PRKCE: variants seen among roughly 807,000 people sequenced by gnomAD.
PRKCE encodes the protein protein kinase C epsilon, also known as protein kinase C epsilon type.
A neutral mutation model predicts 85.4 loss-of-function variants in PRKCE; 16 were observed. The observed-to-expected ratio is 0.19, with a 90% CI of 0.13 to 0.28. The LOEUF (loss-of-function observed/expected upper bound fraction) is 0.28, where lower values mean the gene tolerates loss of function less well. PRKCE is among the 10% of genes least tolerant of loss of function. PRKCE has a pLI of 1.00. For synonymous variants in PRKCE, 388 were observed against 371.5 expected (o/e 1.04, Z -0.51); for missense variants, 573 against 975.2 (o/e 0.59, Z 5.49).
intron 1 of PRKCE, among the ~76,000 whole-genome samples, chr2:45,684,580 C>T (rs892034438): frequency 6.6e-6 from 1 of 152,152 alleles, no homozygotes; most frequent in Admixed American, 6.5e-5. Flanking sequence ...TTGGTTGGAC[C>T]TACAATATTG....
intron 2 of PRKCE, among the ~76,000 whole-genome samples, chr2:45,890,644 G>A (rs887392778): frequency 6.6e-6 from 1 of 152,114 alleles, no homozygotes; most frequent in East Asian, 1.9e-4. Flanking sequence ...GCCTCCCAAA[G>A]TGCTGGGATT....
intron 1 of PRKCE, among the ~76,000 whole-genome samples, chr2:45,811,393 A>ATAACAGAG (rs1408547382): frequency 2.6e-5 from 4 of 152,242 alleles, no homozygotes; most frequent in Non-Finnish European, 5.9e-5. Flanking sequence ...GAGAGTGTGT[A>ATAACAGAG]TAACAGAGTA....
At chr2:46,017,895 A>C (rs1008989436) in intron 10 of PRKCE, among the ~76,000 whole-genome samples, 1 of 152,212 alleles carries the variant, frequency 6.6e-6, no homozygotes, top group African/African-American at 2.4e-5. Context: ...AAGGTTTCCC[A>C]ACAGTCTTTG....
In PRKCE at chr2:46,004,959, C is replaced by T. The variant is rs1313879782; in HGVS notation, c.1063+321C>T. On this transcript the variant is annotated intron_variant, in intron 8 of 14. Coordinates refer to ENST00000306156, the MANE Select transcript of PRKCE (RefSeq NM_005400.3). This position sits in a 1 kb window ranked among gnomAD's most constrained non-coding sequence, Gnocchi z 4.1. ...CAAGTGTACTGCAGAGAGAAGGGTACAGCTCCCTCTCTTAAAGCTCTTGCC... is the reference window on the plus strand; with the variant it reads ...CAAGTGTACTGCAGAGAGAAGGGTATAGCTCCCTCTCTTAAAGCTCTTGCC... Among the ~76,000 whole-genome samples the T allele has an allele frequency of 1.3e-5, 2 of 152,144 alleles. No homozygotes were observed. The highest frequency in any genetic ancestry group is 4.8e-5 in the African/African-American group (2 of 41,408).
chr2:45,795,947 G>T (rs1210191955), intron 1 of PRKCE, among the ~76,000 whole-genome samples: 1 of 152,214 alleles, frequency 6.6e-6, no homozygotes, highest in Non-Finnish European at 1.5e-5. Flanking sequence ...ATTCAGAAAA[G>T]TTGAAAAGAA....
At chr2:45,890,731 G>A (rs1695662708) in intron 2 of PRKCE, among the ~76,000 whole-genome samples, 2 of 152,154 alleles carry the variant, frequency 1.3e-5, no homozygotes, top group Non-Finnish European at 2.9e-5. Flanking sequence ...CTCATGAGGG[G>A]CTTTTCAGAT....
chr2:45,682,019 T>G (rs1676945597), intron 1 of PRKCE, among the ~76,000 whole-genome samples: 1 of 152,242 alleles, frequency 6.6e-6, no homozygotes, highest in South Asian at 2.1e-4. Flanking sequence ...TTATGGGCAG[T>G]AAACTTGGTT....
chr2:46,112,388 A>C (rs572663600), intron 11 of PRKCE, among the ~76,000 whole-genome samples: 71 of 151,576 alleles, frequency 4.7e-4, no homozygotes, highest in African/African-American at 1.6e-3. Context: ...TATCCACTCC[A>C]TCTCTGTCTT....
intron 11 of PRKCE, among the ~76,000 whole-genome samples, chr2:46,104,515 G>A (rs1483685540): frequency 2.0e-5 from 3 of 151,972 alleles, no homozygotes; most frequent in African/African-American, 7.3e-5. Flanking sequence ...CTCTGTTGGG[G>A]TTCTTTTCTG....
At chr2:45,943,708 G>A (rs919730599) in intron 2 of PRKCE, among the ~76,000 whole-genome samples, 3 of 152,168 alleles carry the variant, frequency 2.0e-5, no homozygotes, top group Non-Finnish European at 4.4e-5. Context: ...ACAAATGTCA[G>A]CTAAGTTACA....
intron 11 of PRKCE, among the ~76,000 whole-genome samples, chr2:46,088,879 C>T (rs1669893555): frequency 1.3e-5 from 2 of 152,298 alleles, no homozygotes; most frequent in African/African-American, 4.8e-5. Flanking sequence ...AAATGACAGA[C>T]ATAGGAGGTA....
chr2:46,025,133 A>G (rs545097270), intron 10 of PRKCE, among the ~76,000 whole-genome samples: 1 of 152,364 alleles, frequency 6.6e-6, no homozygotes, highest in South Asian at 2.1e-4. Flanking sequence ...CTCCTATTAT[A>G]AAATGTTTAC....
In PRKCE at chr2:45,895,363, C is replaced by A. The variant is rs1458575676; in HGVS notation, c.412+52300C>A. 6.6e-6 allele frequency among the ~76,000 whole-genome samples: 1 copy of A among 152,094 alleles called. No homozygotes were observed. The highest frequency in any genetic ancestry group is 1.5e-5 in the Non-Finnish European group (1 of 68,022). On this transcript the variant is annotated intron_variant, in intron 2 of 14. Transcript: ENST00000306156. This position sits in a 1 kb window ranked among gnomAD's most constrained non-coding sequence, Gnocchi z 4.8. ...GTTTCAGTCGGGGAAGAAAGTGGGA[C>A]TTTTTCATTAAAACAAGACTCTGCT... is the stretch of plus-strand genomic sequence containing the variant.
In PRKCE at chr2:45,651,875, A is replaced by G; in HGVS notation, c.-226A>G. 5 of 453,308 alleles carry G rather than the reference A, an allele frequency of 1.1e-5. No individual in the cohort carries two copies. The highest frequency in any genetic ancestry group is 2.0e-5 in the Non-Finnish European group (5 of 255,584). 28.1% of individuals were successfully genotyped at this position (453,308 alleles called of 1,614,324 possible). A position where few individuals can be genotyped will look rare whatever the true frequency, so the allele number is the denominator to read the frequency against. On this transcript the variant is annotated 5_prime_UTR_variant, in exon 1 of 15. Transcript: ENST00000306156. ...CTTGCTCCAAACACGGACATCCCCC[A>G]GCTCTCCCCCCTCCCTGTTTTCCGT...
chr2:45,917,268 A>G (rs879680734), intron 2 of PRKCE, among the ~76,000 whole-genome samples: 1 of 152,112 alleles, frequency 6.6e-6, no homozygotes, highest in Admixed American at 6.5e-5. Context: ...CCGCCAGAGT[A>G]GCTAGATACA....
intron 1 of PRKCE, among the ~76,000 whole-genome samples, chr2:45,771,106 T>G (rs1685292426): frequency 6.6e-6 from 1 of 152,138 alleles, no homozygotes; most frequent in Non-Finnish European, 1.5e-5. Context: ...TTAGAGGGGC[T>G]GCACTGGGGA....
intron 8 of PRKCE, among the ~76,000 whole-genome samples, chr2:46,006,314 T>G (rs2104767409): frequency 6.6e-6 from 1 of 152,338 alleles, no homozygotes; most frequent in East Asian, 1.9e-4. Context: ...TATTGTGAGA[T>G]TAAAAGTTAT....
chr2:45,733,413 A>G (rs1681759557), intron 1 of PRKCE, among the ~76,000 whole-genome samples: 2 of 152,368 alleles, frequency 1.3e-5, no homozygotes, highest in Non-Finnish European at 1.5e-5. Flanking sequence ...TGGAGCTCAC[A>G]TTTTAGCAAG....
rs574345043 is a variant in PRKCE, at chr2:45,993,003, C to T, written c.823+8323C>T. Among the ~76,000 whole-genome samples the T allele has an allele frequency of 3.3e-5, 5 of 152,298 alleles. No homozygotes were observed. In the South Asian group the frequency reaches 1.0e-3, roughly 32 times the overall value. On this transcript the variant is annotated intron_variant, in intron 6 of 14. Transcript: ENST00000306156. Reference sequence around the variant, plus strand: ...CTGGCAAAGCAGATCTATTTCTTCCCGGTACAACTTTATCCAAATGAAACC... The same window carrying T: ...CTGGCAAAGCAGATCTATTTCTTCCTGGTACAACTTTATCCAAATGAAACC...
Sources: gnomAD v4.1 joint callset for allele counts (sites outside exome capture counted in the v4.1 genomes callset) on GRCh38, gnomAD v4.1.1 for gene constraint, Gnocchi (gnomAD v3.1) non-coding constraint, MANE v1.5 for transcripts, NCBI Gene and HGNC (gene_info 2026-07-23, HGNC 2026-07-21) for gene names.